Variants in RESP18 observed in about 807,000 individuals in gnomAD.
RESP18 encodes the protein regulated endocrine specific protein 18, also known as regulated endocrine-specific protein 18.
In RESP18, 30 loss-of-function variants were observed where a neutral mutation model predicts 30.0. The observed-to-expected ratio is 1.00, with a 90% confidence interval of 0.75 to 1.36. The LOEUF is 1.36. RESP18 is among the 40% of genes most tolerant of loss of function. The probability of loss-of-function intolerance (pLI) is 0.00; values close to 1 mark genes in which losing one functional copy is unlikely to be tolerated. For missense variants in RESP18, 320 were observed against 284.2 expected (o/e 1.13, Z -0.91); for synonymous variants, 117 against 111.2 (o/e 1.05, Z -0.33).
intron 3 of RESP18, 141 bp from the exon 3 acceptor site, chr2:219,329,905 A>G: frequency 1.3e-6 from 1 of 793,494 alleles, no homozygotes; most frequent in Non-Finnish European, 1.9e-6. Flanking sequence ...AAAGTTGCTT[A>G]GCATAGTGCC....
chr2:219,329,360 T>C (rs1952805979), intron 4 of RESP18, 108 bp from the exon 4 acceptor site: 2 of 1,551,726 alleles, frequency 1.3e-6, no homozygotes, highest in Middle Eastern at 1.7e-4. Flanking sequence ...CTTGAGAAGA[T>C]ACGTGAGTCT....
chr2:219,331,631 G>A (rs929895644), intron 2 of RESP18, among the ~76,000 whole-genome samples: 4 of 152,210 alleles, frequency 2.6e-5, no homozygotes, highest in Non-Finnish European at 5.9e-5. Context: ...ACACCCTGAG[G>A]AGAAGGGAAA....
At chr2:219,330,715 T>TC (rs1404997183) in intron 3 of RESP18, 56 bp downstream of exon 2, 40 of 1,156,736 alleles carry the variant, frequency 3.5e-5, no homozygotes, top group Middle Eastern at 2.6e-4. Flanking sequence ...TAGCCCCTCT[T>TC]CCCCCCTCCC....
At chr2:219,329,400 T>G in intron 4 of RESP18, 148 bp from the exon 4 acceptor site, 1 of 1,551,248 alleles carries the variant, frequency 6.4e-7, no homozygotes, top group Non-Finnish European at 8.7e-7. Flanking sequence ...AAGTTTCTCC[T>G]CTTGCTAGAA....
At chr2:219,331,927 A>G (rs991906968) in intron 2 of RESP18, among the ~76,000 whole-genome samples, 1 of 152,190 alleles carries the variant, frequency 6.6e-6, no homozygotes, top group Non-Finnish European at 1.5e-5. Context: ...ACCAAAAATC[A>G]GGGAGAGGGG....
intron 4 of RESP18, 164 bp from the exon 4 acceptor site, chr2:219,329,416 AGG>A (rs1559315400): frequency 6.9e-7 from 1 of 1,440,028 alleles, no homozygotes; most frequent in Non-Finnish European, 9.5e-7. Context: ...TAGAAGAGAC[AGG>A]GAATGACAAA....
Position 219,327,580 on chromosome 2 carries a change from C to G in RESP18, c.641-17G>C, listed in dbSNP as rs1438132099. Reference sequence around the variant, plus strand: ...AGAGAAGCCCTAAAACAAGAAGAAACAAGGGAGCTAGAGTCAGGATGTGAG... The same window carrying G: ...AGAGAAGCCCTAAAACAAGAAGAAAGAAGGGAGCTAGAGTCAGGATGTGAG... On this transcript the variant is annotated splice_polypyrimidine_tract_variant and intron_variant, in intron 6 of 6. Transcript: ENST00000333527. 4.4e-5 allele frequency: 68 copies of G among 1,550,800 alleles called. 1 individual carries two copies. The highest frequency in any genetic ancestry group is 5.6e-5 in the Non-Finnish European group (64 of 1,146,380).
chr2:219,330,539 T>G (rs1314486463), intron 3 of RESP18, among the ~76,000 whole-genome samples: 2 of 151,738 alleles, frequency 1.3e-5, no homozygotes, highest in Non-Finnish European at 2.9e-5. Context: ...AGTTTTGTTT[T>G]TTTTTTTCCC....
intron 2 of RESP18, among the ~76,000 whole-genome samples, chr2:219,332,046 G>C (rs575765789): frequency 1.3e-5 from 2 of 152,120 alleles, no homozygotes; most frequent in Non-Finnish European, 2.9e-5. Flanking sequence ...GGATTGGTGC[G>C]GGGGAAGGGG....
chr2:219,332,869 A>G, intron 1 of RESP18, 125 bp from the exon 1 acceptor site: 2 of 792,094 alleles, frequency 2.5e-6, no homozygotes, highest in South Asian at 1.9e-5. Flanking sequence ...CCTTTCGGGC[A>G]TTAGCTGGGT....
chr2:219,327,459 T>C lies in RESP18; in HGVS notation c.*58A>G, dbSNP rs963940344. ...CAAATCTGGGTCATCCAAGAACTGC[T>C]CCTCTGAAGGGCAATGGGAAGGGTG... On this transcript the variant is annotated 3_prime_UTR_variant, in exon 7 of 7. Transcript: ENST00000333527. 7.6e-6 allele frequency: 11 copies of C among 1,445,614 alleles called. No individual in the cohort carries two copies. The highest frequency in any genetic ancestry group is 1.2e-5 in the South Asian group (1 of 81,918). 89.5% of individuals were successfully genotyped at this position (1,445,614 alleles called of 1,614,324 possible).
intron 6 of RESP18, among the ~76,000 whole-genome samples, chr2:219,328,050 C>T (rs1466883612): frequency 1.3e-5 from 2 of 152,240 alleles, no homozygotes; most frequent in Non-Finnish European, 2.9e-5. Flanking sequence ...ATTCAAGCCA[C>T]CTCGGTCTCC....
chr2:219,332,849 T>G, intron 1 of RESP18, 105 bp from the exon 1 acceptor site: 19 of 864,532 alleles, frequency 2.2e-5, no homozygotes, highest in Non-Finnish European at 2.8e-5. Flanking sequence ...TTGGAATTCC[T>G]GACCCGGCTC....
At chr2:219,331,062 T>A in intron 2 of RESP18, 187 bp from the exon 2 acceptor site, 1 of 555,926 alleles carries the variant, frequency 1.8e-6, no homozygotes, top group East Asian at 3.1e-5. Flanking sequence ...GCCATATTCT[T>A]CAACCCCTGG....
chr2:219,329,560 G>A (rs753060909), intron 4 of RESP18, 77 bp downstream of exon 3: 13 of 1,544,004 alleles, frequency 8.4e-6, no homozygotes, highest in Non-Finnish European at 1.1e-5. Context: ...TCTACCTGCA[G>A]TTTTAGCACA....
Position 219,330,843 on chromosome 2 carries a change from A to G in RESP18, c.265T>C (p.Trp89Arg). The G allele has an allele frequency of 2.6e-6, 4 of 1,551,584 alleles. No homozygotes were observed. The highest frequency in any genetic ancestry group is 3.5e-6 in the Non-Finnish European group (4 of 1,146,914). The change falls in exon 3 of 7, where the codon TGG becomes CGG. Residue 89 changes from tryptophan to arginine, a missense_variant. Trp to Arg is a moderately radical substitution (Grantham distance 101). Transcript: ENST00000333527. ...GGGGTGGCAAATCCTTGGAGGGGCCAAAGCTGCCCCACTCCTACTTGGTCC... is the reference window on the plus strand; with the variant it reads ...GGGGTGGCAAATCCTTGGAGGGGCCGAAGCTGCCCCACTCCTACTTGGTCC...
At chr2:219,332,483 C>T in intron 2 of RESP18, 41 bp downstream of exon 1, 1 of 1,484,738 alleles carries the variant, frequency 6.7e-7, no homozygotes, top group Non-Finnish European at 9.1e-7. Context: ...CTCAGGATCG[C>T]TTTCTTGGCC....
At chr2:219,327,591 G>A in intron 6 of RESP18, 28 bp from the exon 6 acceptor site, 1 of 1,545,876 alleles carries the variant, frequency 6.5e-7, no homozygotes, top group African/African-American at 1.4e-5. Context: ...AAGGGAGCTA[G>A]AGTCAGGATG....
Position 219,329,718 on chromosome 2 carries a change from C to G in RESP18, c.384G>C (p.Lys128Asn). Residue 128 changes from lysine to asparagine, a missense_variant, in exon 4 of 7, where the codon AAG (lysine) becomes AAC (asparagine). Transcript: ENST00000333527. ...GATGCAGTCTGCTGGCATGCTCCAT[C>G]TTTTGGATCATTGCATCCTGGGTGA... The G allele has an allele frequency of 6.4e-7, 1 of 1,551,672 alleles. No homozygotes were observed. Among genetic ancestry groups the G allele is most frequent in the Non-Finnish European group, 8.7e-7 (1 of 1,146,996 alleles).
Sources: gnomAD v4.1 joint callset for allele counts (sites outside exome capture counted in the v4.1 genomes callset) on GRCh38, gnomAD v4.1.1 for gene constraint, MANE v1.5 for transcripts, NCBI Gene and HGNC (gene_info 2026-07-23, HGNC 2026-07-21) for gene names.